MYO1G: variants seen among roughly 807,000 people sequenced by gnomAD.
MYO1G encodes the protein myosin IG, also known as unconventional myosin-Ig.
In MYO1G, 65 loss-of-function variants were observed where a neutral mutation model predicts 115.3. The ratio of observed to expected loss-of-function variants is 0.56; its 90% CI spans 0.46 to 0.69. MYO1G has a LOEUF of 0.69. Among genes scored for constraint, MYO1G ranks in the 30% least tolerant of loss-of-function variants. The pLI, the probability that MYO1G is intolerant of heterozygous loss-of-function variation, is 0.00. For missense variants in MYO1G, 1,204 were observed against 1,393.5 expected (o/e 0.86, Z 2.16); for synonymous variants, 510 against 552.6 (o/e 0.92, Z 1.08).
Position 44,970,157 on chromosome 7 carries a change from G to A in MYO1G, c.1218-3C>T. The A allele has an allele frequency of 1.2e-6, 2 of 1,609,394 alleles. No individual in the cohort carries two copies. The highest frequency in any genetic ancestry group is 2.2e-5 in the East Asian group (1 of 44,836). On this transcript the variant is annotated splice_polypyrimidine_tract_variant and splice_region_variant and intron_variant, in intron 9 of 21. Transcript: ENST00000258787. The stretch of plus-strand genomic sequence containing the variant: ...AGTTGATGCAGAACTGCTCGAAACT[G>A]GGGGTGGGGTGGGCCTTTCAGAGGG...
At chr7:44,968,504 ATTTTT>A (rs11322671) in intron 12 of MYO1G, 3 of 141,004 alleles carry the variant, frequency 2.1e-5, no homozygotes, top group Admixed American at 1.4e-4. Context: ...CAGGGAATGG[ATTTTT>A]TTTTTTTTTT....
intron 2 of MYO1G, 77 bp from the exon 3 acceptor site, chr7:44,976,734 C>A: frequency 5.7e-6 from 9 of 1,592,354 alleles, no homozygotes; most frequent in South Asian, 1.1e-5. Context: ...ACTCACACCC[C>A]CAAGACTGGC....
At chr7:44,971,160 G>A (rs905640026) in intron 7 of MYO1G, 101 bp from the exon 8 acceptor site, 8 of 1,015,936 alleles carry the variant, frequency 7.9e-6, no homozygotes, top group African/African-American at 1.6e-5. Flanking sequence ...ACATGGATGC[G>A]GTAGAGTACA....
intron 1 of MYO1G, among the ~76,000 whole-genome samples, chr7:44,977,492 C>G (rs767980947): frequency 6.6e-6 from 1 of 152,120 alleles, no homozygotes; most frequent in East Asian, 1.9e-4. Context: ...GGGGCCTCCT[C>G]GGCTGTTTCC....
Position 44,964,621 on chromosome 7 carries a change from C to T in MYO1G, c.2527-102G>A. On this transcript the variant is annotated intron_variant, in intron 18 of 21. Transcript: ENST00000258787. This position sits in a 1 kb window ranked among gnomAD's most constrained non-coding sequence, Gnocchi z 5.1. ...GTGAATCAGCATAGCTATCCTTCATCTCGGGAAACTGAGTCACACAGACTT... is the reference window on the plus strand; with the variant it reads ...GTGAATCAGCATAGCTATCCTTCATTTCGGGAAACTGAGTCACACAGACTT... The T allele has an allele frequency of 1.0e-5, 10 of 996,802 alleles. No homozygotes were observed. The highest frequency in any genetic ancestry group is 1.4e-5 in the Non-Finnish European group (9 of 635,400). The allele number at this position is 996,802 out of a possible 1,614,324, so 61.7% of individuals were successfully genotyped here.
chr7:44,969,374 G>A lies in MYO1G; in HGVS notation c.1574+39C>T. 4 of 1,608,310 alleles carry A rather than the reference G, an allele frequency of 2.5e-6. No individual in the cohort carries two copies. The highest frequency in any genetic ancestry group is 2.6e-6 in the Non-Finnish European group (3 of 1,175,074). ...CCCCATGACACATGCCATGGTGCCTGTGGGAAAGCCAGGGATGTGGGTGGG... is the reference window on the plus strand; with the variant it reads ...CCCCATGACACATGCCATGGTGCCTATGGGAAAGCCAGGGATGTGGGTGGG... On this transcript the variant is annotated intron_variant, in intron 12 of 21. Coordinates refer to ENST00000258787, the MANE Select transcript of MYO1G (RefSeq NM_033054.3). This position sits in a 1 kb window ranked among gnomAD's most constrained non-coding sequence, Gnocchi z 5.0.
At position 44,963,148 on chromosome 7, in the gene MYO1G, T is replaced by G; in HGVS notation, c.2746-24A>C. 7.1e-7 allele frequency: 1 copy of G among 1,413,796 alleles called. No individual in the cohort carries two copies. Among genetic ancestry groups the G allele is most frequent in the South Asian group, 1.5e-5 (1 of 68,530 alleles). 87.6% of individuals were successfully genotyped at this position (1,413,796 alleles called of 1,614,324 possible). A position where few individuals can be genotyped will look rare whatever the true frequency, so the allele number is the denominator to read the frequency against. Reference sequence around the variant, plus strand: ...ACCTGAGCGGAGCGCGGGGTCAGAGTGCAGCCGCCTCAACCCGCACCCCAG... The same window carrying G: ...ACCTGAGCGGAGCGCGGGGTCAGAGGGCAGCCGCCTCAACCCGCACCCCAG... On this transcript the variant is annotated intron_variant, in intron 20 of 21. Transcript: ENST00000258787. The surrounding 1 kb of genome is among the most constrained non-coding windows in gnomAD (Gnocchi z 4.1).
At chr7:44,970,345 C>T (rs532265771) in intron 9 of MYO1G, among the ~76,000 whole-genome samples, 191 bp from the exon 10 acceptor site, 6 of 152,310 alleles carry the variant, frequency 3.9e-5, no homozygotes, top group Non-Finnish European at 7.3e-5. Flanking sequence ...CCTGCATGCA[C>T]GTTCTGGAGT....
chr7:44,977,863 C>T (rs956937946), intron 1 of MYO1G, among the ~76,000 whole-genome samples: 4 of 152,184 alleles, frequency 2.6e-5, no homozygotes, highest in African/African-American at 9.7e-5. Flanking sequence ...CCTCTTTCTC[C>T]ACCACCTCTG....
intron 1 of MYO1G, 95 bp from the exon 2 acceptor site, chr7:44,977,166 C>A (rs1488664454): frequency 3.4e-6 from 4 of 1,165,462 alleles, no homozygotes; most frequent in African/African-American, 1.5e-5. Context: ...CCCCAGTAGG[C>A]CAGCGCTCCC....
At chr7:44,965,932 C>G (rs1249599274) in intron 16 of MYO1G, 72 bp from the exon 17 acceptor site, 1 of 1,551,862 alleles carries the variant, frequency 6.4e-7, no homozygotes, top group Non-Finnish European at 8.8e-7. Context: ...CCAAACCTGG[C>G]CCTGAGCATT....
intron 7 of MYO1G, 117 bp from the exon 8 acceptor site, chr7:44,971,176 T>A (rs1409544526): frequency 1.1e-6 from 1 of 877,034 alleles, no homozygotes; most frequent in Non-Finnish European, 1.7e-6. Flanking sequence ...GTACAGCTCC[T>A]TCTCAGACCA....
At chr7:44,973,366 C>G (rs1794994357) in intron 5 of MYO1G, 1 of 152,124 alleles carries the variant, frequency 6.6e-6, no homozygotes, top group African/African-American at 2.4e-5. Flanking sequence ...CCAGGGGGCT[C>G]TTACCTCAGA....
In MYO1G at chr7:44,965,851, C is replaced by T. The variant is rs1015562480; in HGVS notation, c.2167G>A (p.Gly723Ser). 3 of 1,598,682 alleles carry T rather than the reference C, an allele frequency of 1.9e-6. No individual in the cohort carries two copies. The highest frequency in any genetic ancestry group is 1.7e-6 in the Non-Finnish European group (2 of 1,179,890). Residue 723 changes from glycine to serine, a missense_variant, in exon 17 of 22, where the codon GGC becomes AGC. By Grantham distance (56) the Gly-to-Ser change is moderately conservative (BLOSUM62 0). Transcript: ENST00000258787. ...IVLLLQKAWR[G>S]TLARWRCRRL... ...CGGCAGCGCCACCTCGCCAAGGTGC[C>T]CCGCCATGCCTGGGTGGGCCAGGTG...
Position 44,978,897 on chromosome 7 carries a change from A to C in MYO1G, c.65T>G (p.Met22Arg). The change falls in exon 1 of 22, where the codon ATG becomes AGG. Residue 22 changes from methionine (M) to arginine (R), a missense_variant. By Grantham distance (91) the Met-to-Arg change is moderately conservative. Transcript: ENST00000258787. ...CTGCAGGTTCCTCATGAAGTCCTCCATGGTCACTTGGTCCAAAAGCACAAA... is the reference window on the plus strand; with the variant it reads ...CTGCAGGTTCCTCATGAAGTCCTCCCTGGTCACTTGGTCCAAAAGCACAAA... ...PDFVLLDQVTMEDFMRNLQLR... is the reference protein window; with the variant it reads ...PDFVLLDQVTREDFMRNLQLR... 2.5e-6 allele frequency: 4 copies of C among 1,614,194 alleles called. No homozygotes were observed. Among genetic ancestry groups the C allele is most frequent in the Non-Finnish European group, 3.4e-6 (4 of 1,180,012 alleles).
Position 44,970,597 on chromosome 7 carries a change from G to T in MYO1G, c.1212C>A (p.Val404=). The change falls in exon 9 of 22, where the codon GTC becomes GTA. Residue 404 remains valine, a synonymous_variant. Coordinates refer to ENST00000258787, the MANE Select transcript of MYO1G (RefSeq NM_033054.3). ...GTGGCTGGCCAGCCACCCACCTGTT[G>T]ACGGGAAACACCTCGAAGCCATAGA... ...LDIYGFEVFP[V]NSFEQFCINY... 1 of 1,613,254 alleles carries T rather than the reference G, an allele frequency of 6.2e-7. No individual in the cohort carries two copies. The highest frequency in any genetic ancestry group is 8.5e-7 in the Non-Finnish European group (1 of 1,180,006).
At position 44,969,953 on chromosome 7, in the gene MYO1G, C is replaced by T. The variant is rs892932744; in HGVS notation, c.1333-78G>A. ...CCCTCCTCCGCCCCACACTCAGCCACCTGTCAGGCCAGCCCGGGCCCCTCC... is the reference window on the plus strand; with the variant it reads ...CCCTCCTCCGCCCCACACTCAGCCATCTGTCAGGCCAGCCCGGGCCCCTCC... On this transcript the variant is annotated intron_variant, in intron 10 of 21. Transcript: ENST00000258787. The surrounding 1 kb of genome is among the most constrained non-coding windows in gnomAD (Gnocchi z 5.0). 1.3e-6 allele frequency: 2 copies of T among 1,589,118 alleles called. No individual in the cohort carries two copies. Among genetic ancestry groups the T allele is most frequent in the East Asian group, 2.2e-5 (1 of 44,580 alleles).
chr7:44,975,491 A>G lies in MYO1G; in HGVS notation c.557T>C (p.Leu186Pro), dbSNP rs200185437. 24 of 1,608,692 alleles carry G rather than the reference A, an allele frequency of 1.5e-5. No homozygotes were observed. The South Asian group carries it at 2.3e-4, about 16-fold the overall frequency. Reference sequence around the variant, plus strand: ...CTCAGCCCACCTGCCCACCTTCTCCAGTAGGTAGCTGTGGATGTGTCCTCC... The same window carrying G: ...CTCAGCCCACCTGCCCACCTTCTCCGGTAGGTAGCTGTGGATGTGTCCTCC... ...PIGGHIHSYL[L>P]EKSRVLKQHV... Residue 186 changes from leucine to proline, a missense_variant, in exon 4 of 22, where the codon CTG (leucine) becomes CCG (proline). Physicochemically the swap from Leu to Pro is moderately conservative, Grantham distance 98 (BLOSUM62 -3). Coordinates refer to ENST00000258787, the MANE Select transcript of MYO1G (RefSeq NM_033054.3).
Position 44,963,263 on chromosome 7 carries a change from C to T in MYO1G, c.2746-139G>A. ...CCGCCCTCGCCAGGGCCACCAGCCC[C>T]CCACCGCCCCCTCCTCCCTCTCGGG... On this transcript the variant is annotated intron_variant, in intron 20 of 21. Transcript: ENST00000258787. This position sits in a 1 kb window ranked among gnomAD's most constrained non-coding sequence, Gnocchi z 4.1. The T allele has an allele frequency of 1.0e-6, 1 of 958,292 alleles. No homozygotes were observed. Among genetic ancestry groups the T allele is most frequent in the East Asian group, 3.2e-5 (1 of 30,856 alleles). 59.4% of individuals were successfully genotyped at this position (958,292 alleles called of 1,614,324 possible).
Sources: allele counts gnomAD v4.1 joint callset (sites outside exome capture counted in the v4.1 genomes callset), GRCh38; gene constraint gnomAD v4.1.1; non-coding constraint Gnocchi (gnomAD v3.1); transcripts MANE v1.5; gene names NCBI Gene and HGNC (gene_info 2026-07-23, HGNC 2026-07-21).